Variants in CELF2 observed in about 807,000 individuals in gnomAD.
CELF2 encodes the protein CUG triplet repeat RNA-binding protein 2.
In CELF2, 8 loss-of-function variants were observed where a neutral mutation model predicts 62.6. That is an observed-to-expected ratio of 0.13 (90% CI 0.07 to 0.23). CELF2 has a LOEUF of 0.23. CELF2 is among the 10% of genes least tolerant of loss of function. CELF2 has a pLI of 1.00. For missense variants in CELF2, 333 were observed against 671.0 expected (o/e 0.50, Z 5.56); for synonymous variants, 258 against 250.0 (o/e 1.03, Z -0.30).
At chr10:10,655,965 C>T in the CELF2 span, among the ~76,000 whole-genome samples, 1 of 141,998 alleles carries the variant, frequency 7.0e-6, no homozygotes, top group African/African-American at 2.6e-5. Context: ...ATTTTCGCAA[C>T]CTACTCATCT....
In CELF2 at chr10:11,269,980, G is replaced by T. The variant is rs530401450; in HGVS notation, c.619-686G>T. Among the ~76,000 whole-genome samples the T allele has an allele frequency of 2.0e-5, 3 of 152,244 alleles. No homozygotes were observed. The highest frequency in any genetic ancestry group is 4.2e-4 in the South Asian group (2 of 4,816). ...GGCTAGAATGTGCTTCTGTTTTTTGGGTTTGCACCAGCTCCAGGGATGGCG... is the reference window on the plus strand; with the variant it reads ...GGCTAGAATGTGCTTCTGTTTTTTGTGTTTGCACCAGCTCCAGGGATGGCG... On this transcript the variant is annotated intron_variant, in intron 6 of 12. Coordinates refer to ENST00000633077, the MANE Select transcript of CELF2 (RefSeq NM_001326342.2). This position sits in a 1 kb window ranked among gnomAD's most constrained non-coding sequence, Gnocchi z 4.4.
the CELF2 span, among the ~76,000 whole-genome samples, chr10:10,599,642 G>A: frequency 3.9e-5 from 6 of 151,914 alleles, no homozygotes; most frequent in East Asian, 1.9e-4. Context: ...ATCACTGTGC[G>A]CTTTGCTGCC....
chr10:10,767,920 C>T, the CELF2 span, among the ~76,000 whole-genome samples: 1 of 122,896 alleles, frequency 8.1e-6, no homozygotes, highest in Admixed American at 9.0e-5. Context: ...GGCGTGAACC[C>T]GGGAGGCGGA....
upstream of CELF2, chr10:10,798,615 A>G (rs181283976): frequency 2.5e-6 from 1 of 396,836 alleles, no homozygotes; most frequent in Non-Finnish European, 4.4e-6. Context: ...TGCGGGGTGG[A>G]GAGAAGTCAG....
the CELF2 span, among the ~76,000 whole-genome samples, chr10:10,619,049 C>T: frequency 1.7e-4 from 26 of 151,552 alleles, no homozygotes; most frequent in South Asian, 6.2e-4. Context: ...TTACTGCACA[C>T]GTGGCAACAA....
At chr10:10,744,461 C>T in the CELF2 span, among the ~76,000 whole-genome samples, 3 of 152,242 alleles carry the variant, frequency 2.0e-5, no homozygotes. Context: ...TCCTATGACA[C>T]CTAATTATTC....
chr10:10,853,890 T>C (rs1423579687), intron 1 of CELF2, among the ~76,000 whole-genome samples: 1 of 151,328 alleles, frequency 6.6e-6, no homozygotes. Flanking sequence ...AACAAGGAAA[T>C]TAAAAGGGAG....
At chr10:11,295,838 C>A (rs1375372835) in intron 9 of CELF2, among the ~76,000 whole-genome samples, 1 of 152,164 alleles carries the variant, frequency 6.6e-6, no homozygotes, top group Non-Finnish European at 1.5e-5. Flanking sequence ...AGCATGCAAA[C>A]CCCTCCCACC....
intron 3 of CELF2, among the ~76,000 whole-genome samples, chr10:11,236,316 G>A (rs1276585368): frequency 1.3e-5 from 2 of 152,190 alleles, no homozygotes; most frequent in South Asian, 2.1e-4. Context: ...GTATTCTTGT[G>A]GTGGCTTTAG....
chr10:10,829,138 A>G (rs11256852), intron 1 of CELF2, among the ~76,000 whole-genome samples: 398 of 152,334 alleles, frequency 2.6e-3, no homozygotes, highest in Non-Finnish European at 4.6e-3. Flanking sequence ...TTATCTTCTC[A>G]CCATAGTTAT....
chr10:11,248,335 G>A (rs1456940346), intron 3 of CELF2, among the ~76,000 whole-genome samples: 1 of 152,178 alleles, frequency 6.6e-6, no homozygotes, highest in Non-Finnish European at 1.5e-5. Context: ...CGGGTCCACT[G>A]TAGCTCAGGA....
intron 1 of CELF2, among the ~76,000 whole-genome samples, chr10:11,154,822 T>G (rs1408733947): frequency 6.6e-6 from 1 of 152,162 alleles, no homozygotes; most frequent in East Asian, 1.9e-4. Context: ...AGGGAACAAC[T>G]CATTCATTGC....
intron 9 of CELF2, among the ~76,000 whole-genome samples, chr10:11,307,524 CTGA>C (rs910267042): frequency 2.6e-5 from 4 of 152,234 alleles, no homozygotes; most frequent in African/African-American, 9.6e-5. Flanking sequence ...TACCTAATAA[CTGA>C]TGATGATCTA....
At chr10:10,820,724 A>C (rs1304697094) in intron 1 of CELF2, among the ~76,000 whole-genome samples, 1 of 152,226 alleles carries the variant, frequency 6.6e-6, no homozygotes, top group Non-Finnish European at 1.5e-5. Flanking sequence ...TCAGAACACC[A>C]TATGGGAGTC....
chr10:10,504,110 A>G, the CELF2 span, among the ~76,000 whole-genome samples: 1 of 152,192 alleles, frequency 6.6e-6, no homozygotes, highest in South Asian at 2.1e-4. Context: ...CAACTGCCCA[A>G]CATAATTTTT....
intron 2 of CELF2, chr10:10,946,801 T>G (rs529869162): frequency 1.2e-4 from 18 of 152,354 alleles, no homozygotes; most frequent in African/African-American, 4.1e-4. Flanking sequence ...TTCATACAAC[T>G]AGGACCTCAT....
At chr10:11,312,876 G>A (rs1264634659) in intron 9 of CELF2, among the ~76,000 whole-genome samples, 2 of 152,234 alleles carry the variant, frequency 1.3e-5, no homozygotes, top group Admixed American at 6.5e-5. Flanking sequence ...AGGGGTTGCA[G>A]TGGGCCAAGA....
chr10:10,741,585 G>C, the CELF2 span, among the ~76,000 whole-genome samples: 1 of 150,406 alleles, frequency 6.6e-6, no homozygotes, highest in Non-Finnish European at 1.5e-5. Context: ...GAGTTTGTCT[G>C]ATGTGCTCTC....
the CELF2 span, among the ~76,000 whole-genome samples, chr10:10,736,343 C>T: frequency 7.1e-6 from 1 of 140,704 alleles, no homozygotes; most frequent in African/African-American, 2.6e-5. Context: ...TGTTTTTCTG[C>T]TAAACTGATT....
Sources: allele counts gnomAD v4.1 joint callset (sites outside exome capture counted in the v4.1 genomes callset), GRCh38; gene constraint gnomAD v4.1.1; non-coding constraint Gnocchi (gnomAD v3.1); transcripts MANE v1.5; gene names NCBI Gene and HGNC (gene_info 2026-07-23, HGNC 2026-07-21).